Variants in POFUT1 observed in about 807,000 individuals in gnomAD.
The protein encoded by POFUT1 is protein O-fucosyltransferase 1, also known as GDP-fucose protein O-fucosyltransferase 1.
A neutral mutation model predicts 42.4 loss-of-function variants in POFUT1; 16 were observed. The observed-to-expected ratio is 0.38, with a 90% CI of 0.26 to 0.57. POFUT1 has a LOEUF of 0.57. Ranked by LOEUF, POFUT1 falls within the 20% of genes least tolerant of loss-of-function variation. The pLI, the probability that POFUT1 is intolerant of heterozygous loss-of-function variation, is 0.71. For synonymous variants in POFUT1, 206 were observed against 205.4 expected, an observed-to-expected ratio of 1.00 and a Z score of -0.03; for missense variants, 470 against 504.6, an observed-to-expected ratio of 0.93 and a Z score of 0.66.
chr20:32,211,484 A>G (rs2047328572), intron 2 of POFUT1, among the ~76,000 whole-genome samples: 3 of 152,200 alleles, frequency 2.0e-5, no homozygotes, highest in Middle Eastern at 3.4e-3. Flanking sequence ...GTTGGCCAGG[A>G]TGGTGTCAAT....
intron 5 of POFUT1, 47 bp from the exon 6 acceptor site, chr20:32,230,772 T>A: frequency 6.3e-7 from 1 of 1,598,188 alleles, no homozygotes; most frequent in African/African-American, 1.3e-5. Flanking sequence ...GCTTCTGGGG[T>A]TCCAGGGCAG....
intron 4 of POFUT1, among the ~76,000 whole-genome samples, chr20:32,220,427 T>C (rs1023005299): frequency 6.6e-6 from 1 of 151,944 alleles, no homozygotes; most frequent in African/African-American, 2.4e-5. Flanking sequence ...ACCATGCCCA[T>C]CCAGGGCTCA....
rs2047480830 is a variant in POFUT1, at chr20:32,237,964, A to G, written c.*3303A>G. Reference sequence around the variant, plus strand: ...ATATTTACATAGTTTTAATCATGTAATATATACAATTTAATGTCCTAGTGT... The same window carrying G: ...ATATTTACATAGTTTTAATCATGTAGTATATACAATTTAATGTCCTAGTGT... On this transcript the variant is annotated 3_prime_UTR_variant, in exon 7 of 7. Transcript: ENST00000375749. The G allele has an allele frequency of 2.5e-6, 1 of 404,274 alleles. No homozygotes were observed. 25.0% of individuals were successfully genotyped at this position (404,274 alleles called of 1,614,324 possible). A position where few individuals can be genotyped will look rare whatever the true frequency, so the allele number is the denominator to read the frequency against.
chr20:32,234,359 C>T lies in POFUT1; in HGVS notation c.979-114C>T, dbSNP rs536766446. Reference sequence around the variant, plus strand: ...ACACTGAACCACATCTTCCTCTTCTCTGCCCCTCCTTTTGTGTCTGTAACT... The same window carrying T: ...ACACTGAACCACATCTTCCTCTTCTTTGCCCCTCCTTTTGTGTCTGTAACT... On this transcript the variant is annotated intron_variant, in intron 6 of 6. Transcript: ENST00000375749. 112 of 984,082 alleles carry T rather than the reference C, an allele frequency of 1.1e-4. No homozygotes were observed. The Middle Eastern group carries it at 2.5e-3, about 22-fold the overall frequency. 61.0% of individuals were successfully genotyped at this position (984,082 alleles called of 1,614,324 possible).
rs1028560196 is a variant in POFUT1, at chr20:32,217,185, G to T, written c.542+464G>T. ...AAAAAATATAGGTTAGCAGGACGTG[G>T]GCACAGGCCGTGAAACATTTATAGG... On this transcript the variant is annotated intron_variant, in intron 4 of 6. Coordinates refer to ENST00000375749, the MANE Select transcript of POFUT1 (RefSeq NM_015352.2). 1.9e-5 allele frequency: 27 copies of T among 1,455,506 alleles called. No homozygotes were observed. In the African/African-American group the frequency reaches 3.7e-4, roughly 20 times the overall value. 90.2% of individuals were successfully genotyped at this position (1,455,506 alleles called of 1,614,324 possible). A position where few individuals can be genotyped will look rare whatever the true frequency, so the allele number is the denominator to read the frequency against.
intron 6 of POFUT1, among the ~76,000 whole-genome samples, chr20:32,231,951 A>C (rs1176517848): frequency 6.6e-6 from 1 of 152,218 alleles, no homozygotes; most frequent in Admixed American, 6.5e-5. Flanking sequence ...TCAGGCAATG[A>C]GTGAGTACGT....
intron 2 of POFUT1, among the ~76,000 whole-genome samples, chr20:32,215,007 T>G (rs2047351120): frequency 6.6e-6 from 1 of 151,948 alleles, no homozygotes; most frequent in African/African-American, 2.4e-5. Flanking sequence ...CCTACCTCAG[T>G]CTCCCCAGTA....
At chr20:32,220,611 C>T (rs1013191973) in intron 4 of POFUT1, among the ~76,000 whole-genome samples, 1 of 152,058 alleles carries the variant, frequency 6.6e-6, no homozygotes, top group Non-Finnish European at 1.5e-5. Context: ...GGCGTGGTGG[C>T]ACACACCTGT....
intron 1 of POFUT1, 49 bp from the exon 2 acceptor site, chr20:32,210,022 T>C: frequency 6.2e-7 from 1 of 1,612,660 alleles, no homozygotes; most frequent in Non-Finnish European, 8.5e-7. Context: ...GCATGCTCTA[T>C]GCCCTCCATG....
At chr20:32,233,401 C>T (rs1047202034) in intron 6 of POFUT1, among the ~76,000 whole-genome samples, 6 of 152,042 alleles carry the variant, frequency 3.9e-5, no homozygotes, top group African/African-American at 1.4e-4. Flanking sequence ...CTGAGGAGGG[C>T]GGGAGCCTGG....
At chr20:32,228,534 G>A (rs548652685) in intron 5 of POFUT1, 79 bp downstream of exon 5, 42 of 1,254,872 alleles carry the variant, frequency 3.3e-5, no homozygotes, top group African/African-American at 2.2e-4. Context: ...GATCGGCCCC[G>A]CGTCCCAGCC....
intron 1 of POFUT1, 73 bp downstream of exon 1, chr20:32,208,138 G>C: frequency 7.1e-7 from 1 of 1,407,318 alleles, no homozygotes; most frequent in Non-Finnish European, 9.6e-7. Flanking sequence ...CCTCAGATGC[G>C]CCCAGAGACA....
At chr20:32,222,188 A>T (rs1477836915) in intron 4 of POFUT1, among the ~76,000 whole-genome samples, 1 of 152,180 alleles carries the variant, frequency 6.6e-6, no homozygotes, top group Non-Finnish European at 1.5e-5. Context: ...CTGTAATCCA[A>T]GCTACTCAGG....
intron 4 of POFUT1, among the ~76,000 whole-genome samples, chr20:32,225,416 C>T (rs564096217): frequency 2.0e-5 from 3 of 152,044 alleles, no homozygotes; most frequent in East Asian, 1.9e-4. Flanking sequence ...CTCGATCTCC[C>T]GACCTCGTGA....
chr20:32,217,297 A>G (rs1410441410), intron 4 of POFUT1: 10 of 1,353,256 alleles, frequency 7.4e-6, no homozygotes, highest in African/African-American at 1.5e-5. Context: ...TCTAGGAGCT[A>G]TGGTCTCATA....
At chr20:32,230,229 T>C (rs1413399592) in intron 5 of POFUT1, among the ~76,000 whole-genome samples, 1 of 151,080 alleles carries the variant, frequency 6.6e-6, no homozygotes, top group Non-Finnish European at 1.5e-5. Context: ...CTACTAAAAA[T>C]ACAAAAAATT....
At chr20:32,210,507 G>T (rs867730966) in intron 2 of POFUT1, among the ~76,000 whole-genome samples, 8 of 152,316 alleles carry the variant, frequency 5.3e-5, no homozygotes, top group Middle Eastern at 3.4e-3. Flanking sequence ...AGCTATCTTT[G>T]TCTGACTCCA....
chr20:32,214,131 AATT>A (rs1342463798), intron 2 of POFUT1, among the ~76,000 whole-genome samples: 4 of 151,686 alleles, frequency 2.6e-5, no homozygotes, highest in Non-Finnish European at 5.9e-5. Flanking sequence ...AAAAAAAAAA[AATT>A]TTTTTTTTGA....
intron 4 of POFUT1, among the ~76,000 whole-genome samples, chr20:32,220,175 ATCGT>A (rs2047384150): frequency 1.3e-5 from 2 of 152,242 alleles, no homozygotes; most frequent in Non-Finnish European, 2.9e-5. Context: ...ATAATAGTTC[ATCGT>A]ATGTATATAC....
Sources: allele counts gnomAD v4.1 joint callset (sites outside exome capture counted in the v4.1 genomes callset), GRCh38; gene constraint gnomAD v4.1.1; transcripts MANE v1.5; gene names NCBI Gene and HGNC (gene_info 2026-07-23, HGNC 2026-07-21).